The following AK7 variants were observed in gnomAD, a reference collection of about 807,000 sequenced individuals.
AK7 encodes ATP-AMP transphosphorylase 7.
In AK7, 78 loss-of-function variants were observed where a neutral mutation model predicts 96.6. The ratio of observed to expected loss-of-function variants is 0.81; its 90% confidence interval spans 0.67 to 0.97. The LOEUF (loss-of-function observed/expected upper bound fraction) is 0.97, where lower values mean the gene tolerates loss of function less well. Among genes scored for constraint, AK7 ranks in the 50% least tolerant of loss-of-function variants. The pLI is 0.00. For synonymous variants in AK7, 302 were observed against 317.2 expected, an observed-to-expected ratio of 0.95 and a Z score of 0.51; for missense variants, 855 against 887.9, an observed-to-expected ratio of 0.96 and a Z score of 0.47.
intron 1 of AK7, among the ~76,000 whole-genome samples, chr14:96,392,865 T>A (rs1889838520): frequency 6.6e-6 from 1 of 152,110 alleles, no homozygotes; most frequent in African/African-American, 2.4e-5. Flanking sequence ...GGTTTCACTG[T>A]GTTAGCCAGG....
chr14:96,481,466 C>A (rs1284159266), intron 15 of AK7, among the ~76,000 whole-genome samples: 1 of 152,110 alleles, frequency 6.6e-6, no homozygotes, highest in Non-Finnish European at 1.5e-5. Flanking sequence ...CCTGCCTCAG[C>A]CTCCCAAGTA....
At chr14:96,416,149 C>T (rs1034438319) in intron 4 of AK7, among the ~76,000 whole-genome samples, 7 of 152,026 alleles carry the variant, frequency 4.6e-5, no homozygotes, top group African/African-American at 1.2e-4. Flanking sequence ...ATTGGGAAGC[C>T]GAGGCAGGTG....
chr14:96,412,393 A>G (rs1326761626), intron 4 of AK7, among the ~76,000 whole-genome samples: 1 of 150,734 alleles, frequency 6.6e-6, no homozygotes, highest in East Asian at 1.9e-4. Context: ...ACACCCAGCT[A>G]ATTTTTGTAT....
At chr14:96,461,829 G>T (rs1365628501) in intron 12 of AK7, among the ~76,000 whole-genome samples, 6 of 152,174 alleles carry the variant, frequency 3.9e-5, no homozygotes, top group African/African-American at 1.4e-4. Context: ...CAAGTGATCT[G>T]CCTGCCTTGG....
At chr14:96,392,330 A>G (rs3742473) in intron 1 of AK7, 71 bp downstream of exon 1, 399,319 of 1,409,084 alleles carry the variant, frequency 0.28, 59,559 homozygotes, top group African/African-American at 0.46. Context: ...CGGTCCGCAA[A>G]CCCAGCGAGG....
Position 96,397,439 on chromosome 14 carries a change from A to G in AK7, c.106-636A>G, listed in dbSNP as rs139100852. 7.0e-3 allele frequency among the ~76,000 whole-genome samples: 1,064 copies of G among 152,146 alleles called. 10 individuals carry two copies. Among genetic ancestry groups the G allele is most frequent in the African/African-American group, 0.024 (1,006 of 41,520 alleles). On this transcript the variant is annotated intron_variant, in intron 1 of 17. Transcript: ENST00000267584. Reference sequence around the variant, plus strand: ...AATTTTTGTATTTTTAGTAGAGACGAGGTTTCACCATGTTGGCCAGGCTGG... The same window carrying G: ...AATTTTTGTATTTTTAGTAGAGACGGGGTTTCACCATGTTGGCCAGGCTGG...
At chr14:96,457,808 T>A (rs1470076628) in intron 11 of AK7, among the ~76,000 whole-genome samples, 5 of 152,204 alleles carry the variant, frequency 3.3e-5, no homozygotes, top group African/African-American at 1.2e-4. Context: ...TACAACCCAA[T>A]ACCTTAGAAT....
intron 8 of AK7, 36 bp from the exon 9 acceptor site, chr14:96,449,766 G>A: frequency 2.0e-6 from 3 of 1,526,108 alleles, no homozygotes; most frequent in Non-Finnish European, 2.7e-6. Flanking sequence ...AAACCTTCCA[G>A]GTAAACCAAC....
chr14:96,397,511 A>G (rs1890149061), intron 1 of AK7, among the ~76,000 whole-genome samples: 1 of 152,190 alleles, frequency 6.6e-6, no homozygotes, highest in Non-Finnish European at 1.5e-5. Context: ...AGCCTCCCAA[A>G]GTGCTGGGAT....
At position 96,433,304 on chromosome 14, in the gene AK7, C is replaced by T. The variant is rs142692705; in HGVS notation, c.610-4531C>T. ...CCATTCTCCTCATCACTTTCAGGTACGCCAATCAAACATAGATTTGGTCTT... is the reference window on the plus strand; with the variant it reads ...CCATTCTCCTCATCACTTTCAGGTATGCCAATCAAACATAGATTTGGTCTT... On this transcript the variant is annotated intron_variant, in intron 5 of 17. Coordinates refer to ENST00000267584, the MANE Select transcript of AK7 (RefSeq NM_152327.5). Among the ~76,000 whole-genome samples the T allele has an allele frequency of 5.7e-3, 863 of 152,256 alleles. 4 individuals are homozygous for T. Among genetic ancestry groups the T allele is most frequent in the Non-Finnish European group, 9.2e-3 (623 of 68,016 alleles).
At position 96,446,603 on chromosome 14, in the gene AK7, T is replaced by G. The variant is rs376788375; in HGVS notation, c.866T>G (p.Val289Gly). The change falls in exon 8 of 18, where the codon GTC becomes GGC. Residue 289 changes from valine to glycine, a missense_variant. By Grantham distance (109) the Val-to-Gly change is moderately radical. Transcript: ENST00000267584. ...DESVHTLEDIVKCISKNTGPG... is the reference protein window; with the variant it reads ...DESVHTLEDIGKCISKNTGPG... The stretch of plus-strand genomic sequence containing the variant: ...TCTGTTCATACCCTGGAAGACATAG[T>G]CAAGGTACAGTGGTTTCATCCCATA... The G allele has an allele frequency of 1.2e-6, 2 of 1,613,690 alleles. No individual in the cohort carries two copies. The highest frequency in any genetic ancestry group is 1.7e-6 in the Non-Finnish European group (2 of 1,179,700).
chr14:96,415,728 T>TTAA (rs1891292220), intron 4 of AK7, among the ~76,000 whole-genome samples: 1 of 111,216 alleles, frequency 9.0e-6, no homozygotes, highest in East Asian at 4.2e-4. Flanking sequence ...TATTAATAAA[T>TTAA]TTTAATACAT....
chr14:96,441,398 G>C (rs1892948426), intron 6 of AK7, among the ~76,000 whole-genome samples: 1 of 152,036 alleles, frequency 6.6e-6, no homozygotes. Context: ...CAGCATATTG[G>C]GAGGCTGAGG....
At chr14:96,429,442 C>A (rs145818861) in intron 5 of AK7, among the ~76,000 whole-genome samples, 49,573 of 151,928 alleles carry the variant, frequency 0.33, 8,393 homozygotes, top group Middle Eastern at 0.39. Context: ...CTTGGCAATG[C>A]GGGCTCTTTT....
intron 12 of AK7, among the ~76,000 whole-genome samples, chr14:96,462,912 C>T (rs12433961): frequency 0.26 from 38,927 of 151,826 alleles, 6,130 homozygotes; most frequent in East Asian, 0.64. Flanking sequence ...CCAAAGAGGG[C>T]GGATCACGAG....
intron 3 of AK7, among the ~76,000 whole-genome samples, 164 bp from the exon 4 acceptor site, chr14:96,408,683 A>G (rs995073925): frequency 3.9e-5 from 6 of 152,244 alleles, no homozygotes; most frequent in African/African-American, 1.4e-4. Flanking sequence ...GTAGCGAGAA[A>G]GCAGGGGGAA....
At chr14:96,481,639 C>T (rs1895507561) in intron 15 of AK7, among the ~76,000 whole-genome samples, 1 of 151,696 alleles carries the variant, frequency 6.6e-6, no homozygotes, top group Admixed American at 6.6e-5. Flanking sequence ...AGCCACCACA[C>T]CCAGTGAGAA....
intron 9 of AK7, among the ~76,000 whole-genome samples, chr14:96,450,832 T>C (rs1463486328): frequency 1.4e-5 from 2 of 145,642 alleles, no homozygotes; most frequent in Non-Finnish European, 1.5e-5. Context: ...TGGAGTGCAG[T>C]GGCGCGATCT....
intron 2 of AK7, chr14:96,398,725 T>G (rs545849519): frequency 5.8e-6 from 1 of 171,842 alleles, no homozygotes; most frequent in Admixed American, 5.4e-5. Context: ...CTTATATTTA[T>G]GAAAATAATT....
Sources: gnomAD v4.1 joint callset for allele counts (sites outside exome capture counted in the v4.1 genomes callset) on GRCh38, gnomAD v4.1.1 for gene constraint, MANE v1.5 for transcripts, NCBI Gene and HGNC (gene_info 2026-07-23, HGNC 2026-07-21) for gene names.